The following PDCD1LG2 variants were observed in gnomAD, a reference collection of about 807,000 sequenced individuals.
PDCD1LG2 encodes B7 dendritic cell molecule.
In PDCD1LG2, 32 loss-of-function variants were observed where a neutral mutation model predicts 28.2. That is an observed-to-expected ratio of 1.13 (90% CI 0.86 to 1.52). The LOEUF (loss-of-function observed/expected upper bound fraction) is 1.52, where lower values mean the gene tolerates loss of function less well. Among genes scored for constraint, PDCD1LG2 ranks in the 40% most tolerant of loss-of-function variants. PDCD1LG2 has a pLI of 0.00. For synonymous variants in PDCD1LG2, 116 were observed against 120.2 expected (o/e 0.97, Z 0.23); for missense variants, 385 against 323.8 (o/e 1.19, Z -1.45).
chr9:5,540,092 C>T (rs1820659918), intron 3 of PDCD1LG2, among the ~76,000 whole-genome samples: 1 of 152,118 alleles, frequency 6.6e-6, no homozygotes, highest in Non-Finnish European at 1.5e-5. Context: ...CAAAAGGAAC[C>T]TTCAAAACCA....
At chr9:5,526,532 G>A (rs1347348423) in intron 2 of PDCD1LG2, among the ~76,000 whole-genome samples, 2 of 152,138 alleles carry the variant, frequency 1.3e-5, no homozygotes, top group Non-Finnish European at 1.5e-5. Flanking sequence ...CCAACTCCCA[G>A]GCTCAAGTGA....
chr9:5,525,941 G>A (rs151277406), intron 2 of PDCD1LG2, among the ~76,000 whole-genome samples: 6,520 of 151,926 alleles, frequency 0.043, 228 homozygotes, highest in African/African-American at 0.096. Flanking sequence ...CAGCTACTCG[G>A]GAGTCTGAGG....
rs187817821 is a variant in PDCD1LG2 at position 5,553,300 on chromosome 9, A to G, written c.631+3696A>G. ...CAGACTTCTCACCTCATGAAAGATG[A>G]ACTCTAACTAATTCATACTAAAGCT... is the stretch of plus-strand genomic sequence containing the variant. On this transcript the variant is annotated intron_variant, in intron 4 of 6. Transcript: ENST00000397747. Among the ~76,000 whole-genome samples, 234 of 152,322 alleles carry G rather than the reference A, an allele frequency of 1.5e-3. 2 individuals carry two copies. Among genetic ancestry groups the G allele is most frequent in the Non-Finnish European group, 3.0e-3 (202 of 68,034 alleles).
intron 1 of PDCD1LG2, among the ~76,000 whole-genome samples, chr9:5,511,937 G>T (rs920366215): frequency 3.3e-5 from 5 of 152,172 alleles, no homozygotes; most frequent in African/African-American, 1.2e-4. Context: ...AATACACATA[G>T]GTGCTTAGTG....
chr9:5,549,363 C>G lies in PDCD1LG2; in HGVS notation c.390C>G (p.Ile130Met), dbSNP rs2129874104. 6.2e-7 allele frequency: 1 copy of G among 1,613,930 alleles called. No homozygotes were observed. Among genetic ancestry groups the G allele is most frequent in the Non-Finnish European group, 8.5e-7 (1 of 1,179,882 alleles). ...CCTACAGGAAAATAAACACTCACAT[C>G]CTAAAGGTTCCAGAAACAGATGAGG... is the stretch of plus-strand genomic sequence containing the variant. ...KASYRKINTH[I>M]LKVPETDEVE... Residue 130 changes from isoleucine (I) to methionine (M), a missense_variant, in exon 4 of 7, where the codon ATC (isoleucine) becomes ATG (methionine). Physicochemically the swap from Ile to Met is conservative, Grantham distance 10. Transcript: ENST00000397747.
chr9:5,568,007 T>TCAGC (rs1816698253), intron 6 of PDCD1LG2, among the ~76,000 whole-genome samples: 1 of 152,216 alleles, frequency 6.6e-6, no homozygotes, highest in Admixed American at 6.5e-5. Flanking sequence ...GACCACAGCG[T>TCAGC]CAGCATTCCA....
chr9:5,557,753 G>A lies in PDCD1LG2; in HGVS notation c.766+1G>A, dbSNP rs1455119244. On this transcript the variant is annotated splice_donor_variant, in intron 5 of 6. Transcript: ENST00000397747. LOFTEE classifies it high-confidence loss of function. ...TGTCAAAAGCTGTATTCTTCAAAAG[G>A]TAAGTGAGTTTTATTCATGGTAACC... The A allele has an allele frequency of 6.2e-7, 1 of 1,613,874 alleles. No individual in the cohort carries two copies. Among genetic ancestry groups the A allele is most frequent in the Non-Finnish European group, 8.5e-7 (1 of 1,179,810 alleles).
In PDCD1LG2 at chr9:5,569,146, T is replaced by G. The variant is rs559942789; in HGVS notation, c.817-808T>G. Reference sequence around the variant, plus strand: ...ACTAATTCCAGGCAAAAGTTAGATTTTACTTACTAAGCAAGAGTGCTTCAG... The same window carrying G: ...ACTAATTCCAGGCAAAAGTTAGATTGTACTTACTAAGCAAGAGTGCTTCAG... On this transcript the variant is annotated intron_variant, in intron 6 of 6. Transcript: ENST00000397747. This position sits in a 1 kb window ranked among gnomAD's most constrained non-coding sequence, Gnocchi z 4.1. 6.6e-6 allele frequency among the ~76,000 whole-genome samples: 1 copy of G among 152,294 alleles called. No individual in the cohort carries two copies. Among genetic ancestry groups the G allele is most frequent in the South Asian group, 2.1e-4 (1 of 4,824 alleles).
At chr9:5,558,796 A>G (rs1273106039) in intron 5 of PDCD1LG2, among the ~76,000 whole-genome samples, 2 of 141,056 alleles carry the variant, frequency 1.4e-5, no homozygotes, top group Non-Finnish European at 2.9e-5. Context: ...AAAAAGACAG[A>G]GGGAGGGAAG....
At chr9:5,563,140 T>C in intron 5 of PDCD1LG2, 22 bp from the exon 6 acceptor site, 1 of 1,577,546 alleles carries the variant, frequency 6.3e-7, no homozygotes, top group South Asian at 1.1e-5. Flanking sequence ...CTTATTCCAT[T>C]TCTGGAATTT....
chr9:5,570,008 C>T lies in PDCD1LG2; in HGVS notation c.*49C>T, dbSNP rs1249687076. Reference sequence around the variant, plus strand: ...TGACCTGATATGACATCTAAAGAAGCTTCTGGACTCTGAACAAGAATTCGG... The same window carrying T: ...TGACCTGATATGACATCTAAAGAAGTTTCTGGACTCTGAACAAGAATTCGG... On this transcript the variant is annotated 3_prime_UTR_variant, in exon 7 of 7. Coordinates refer to ENST00000397747, the MANE Select transcript of PDCD1LG2 (RefSeq NM_025239.4). The T allele has an allele frequency of 6.2e-7, 1 of 1,612,960 alleles. No homozygotes were observed. The highest frequency in any genetic ancestry group is 1.7e-5 in the Admixed American group (1 of 60,024).
At chr9:5,565,067 A>C (rs1268116367) in intron 6 of PDCD1LG2, among the ~76,000 whole-genome samples, 1 of 152,236 alleles carries the variant, frequency 6.6e-6, no homozygotes, top group African/African-American at 2.4e-5. Context: ...GAAGAGGTTA[A>C]CTAACTTGCC....
chr9:5,552,580 A>G (rs1216010949), intron 4 of PDCD1LG2, among the ~76,000 whole-genome samples: 1 of 152,160 alleles, frequency 6.6e-6, no homozygotes, highest in Admixed American at 6.5e-5. Flanking sequence ...TACCACCATC[A>G]AGTACAGTTG....
intron 1 of PDCD1LG2, among the ~76,000 whole-genome samples, chr9:5,519,283 T>C (rs1312202815): frequency 1.3e-5 from 2 of 152,132 alleles, no homozygotes; most frequent in Non-Finnish European, 1.5e-5. Context: ...AAGCCCCCAA[T>C]AAATGAGGCA....
intron 1 of PDCD1LG2, among the ~76,000 whole-genome samples, chr9:5,519,100 G>C (rs73386678): frequency 0.026 from 3,910 of 152,206 alleles, 87 homozygotes; most frequent in East Asian, 0.093. Flanking sequence ...TGGGGGGTGC[G>C]CAAGATCTTT....
At chr9:5,522,968 G>C (rs767882923) in intron 2 of PDCD1LG2, among the ~76,000 whole-genome samples, 3 of 152,202 alleles carry the variant, frequency 2.0e-5, no homozygotes, top group Non-Finnish European at 4.4e-5. Context: ...CTGGCAGGGA[G>C]AGTAAGGAGA....
At chr9:5,511,544 A>T (rs989719090) in intron 1 of PDCD1LG2, among the ~76,000 whole-genome samples, 1 of 152,206 alleles carries the variant, frequency 6.6e-6, no homozygotes, top group Non-Finnish European at 1.5e-5. Flanking sequence ...CAAAAATACT[A>T]TGGCTCTGAG....
intron 3 of PDCD1LG2, among the ~76,000 whole-genome samples, chr9:5,536,085 A>C (rs556955681): frequency 5.9e-5 from 9 of 152,286 alleles, no homozygotes; most frequent in Admixed American, 3.9e-4. Context: ...ACCTTGGCAG[A>C]AAGTGTGTGA....
intron 6 of PDCD1LG2, among the ~76,000 whole-genome samples, chr9:5,566,651 G>A (rs1816672091): frequency 6.6e-6 from 1 of 152,110 alleles, no homozygotes; most frequent in Admixed American, 6.6e-5. Context: ...ACATGAACAA[G>A]AATAAGCTTT....
Sources: gnomAD v4.1 joint callset for allele counts (sites outside exome capture counted in the v4.1 genomes callset) on GRCh38, gnomAD v4.1.1 for gene constraint, Gnocchi (gnomAD v3.1) non-coding constraint, MANE v1.5 for transcripts, NCBI Gene and HGNC (gene_info 2026-07-23, HGNC 2026-07-21) for gene names.